The following FBXO10 variants were observed in gnomAD, a reference collection of about 807,000 sequenced individuals.
FBXO10 encodes the protein F-box protein 10, also known as F-box only protein 10.
FBXO10 carries 39 observed loss-of-function variants against 80.7 expected under a neutral mutation model. That is an observed-to-expected ratio of 0.48 (90% CI 0.37 to 0.63). The LOEUF is 0.63. Ranked by LOEUF, FBXO10 falls within the 30% of genes least tolerant of loss-of-function variation. The pLI, the probability that FBXO10 is intolerant of heterozygous loss-of-function variation, is 0.00. For missense variants in FBXO10, 1,025 were observed against 1,269.0 expected (o/e 0.81, Z 2.92); for synonymous variants, 449 against 489.6 (o/e 0.92, Z 1.09).
chr9:37,520,600 G>C (rs1270159341), intron 8 of FBXO10, among the ~76,000 whole-genome samples: 1 of 138,782 alleles, frequency 7.2e-6, no homozygotes. Flanking sequence ...CTGGCCTCAA[G>C]CAATCCCCCA....
chr9:37,571,969 T>C (rs1452785710), intron 1 of FBXO10, among the ~76,000 whole-genome samples: 1 of 150,368 alleles, frequency 6.7e-6, no homozygotes, highest in African/African-American at 2.5e-5. Context: ...ACCTGGTCTC[T>C]ACAAAAAAAA....
Position 37,512,610 on chromosome 9 carries a change from C to T in FBXO10, c.2808G>A (p.Arg936=). ...NGQKVTAMAT[R]ITARVEGGYH... is the part of the protein sequence containing the mutation. ...AACCACCTTCCACCCGGGCTGTGAT[C>T]CTCGTTGCCATGGCTGTCACCTTCT... The change falls in exon 11 of 11, where the codon AGG becomes AGA. Residue 936 remains arginine, a synonymous_variant. Transcript: ENST00000432825. The T allele has an allele frequency of 1.9e-6, 3 of 1,614,032 alleles. No individual in the cohort carries two copies. In the East Asian group the frequency reaches 6.7e-5, roughly 36 times the overall value.
chr9:37,526,494 A>G (rs1821476041), intron 5 of FBXO10, among the ~76,000 whole-genome samples: 2 of 152,236 alleles, frequency 1.3e-5, no homozygotes, highest in African/African-American at 4.8e-5. Flanking sequence ...GTTCCCCAGC[A>G]TCCCCAAGGT....
At chr9:37,561,173 C>CTTT (rs78284002) in intron 1 of FBXO10, among the ~76,000 whole-genome samples, 22 of 129,810 alleles carry the variant, frequency 1.7e-4, no homozygotes, top group African/African-American at 4.8e-4. Context: ...ACAAAATCAA[C>CTTT]TTTTTTTTTT....
At position 37,529,223 on chromosome 9, in the gene FBXO10, A is replaced by T; in HGVS notation, c.1607T>A (p.Val536Asp). 6.2e-7 allele frequency: 1 copy of T among 1,612,762 alleles called. No homozygotes were observed. Among genetic ancestry groups the T allele is most frequent in the Non-Finnish European group, 8.5e-7 (1 of 1,179,390 alleles). ...GATGCCTTTCCCATTGCCAAGGACG[A>T]CAATGCCAGAGCGAAGGCCATGGTG... is the stretch of plus-strand genomic sequence containing the variant. ...QIHHGLRSGI[V>D]VLGNGKGIIR... is the part of the protein sequence containing the mutation. Residue 536 changes from valine (V) to aspartate (D), a missense_variant, in exon 5 of 11, where the codon GTC becomes GAC. This residue lies in a region of FBXO10 where 478 missense variants were observed against 667.8 expected (regional missense o/e 0.72). Coordinates refer to ENST00000432825, the MANE Select transcript of FBXO10 (RefSeq NM_012166.3).
intron 8 of FBXO10, among the ~76,000 whole-genome samples, chr9:37,520,528 T>C (rs1362875913): frequency 1.1e-4 from 16 of 142,502 alleles, no homozygotes; most frequent in African/African-American, 3.4e-4. Context: ...TCTTCTTTTT[T>C]TTTTTTTTTT....
intron 1 of FBXO10, among the ~76,000 whole-genome samples, 165 bp from the exon 2 acceptor site, chr9:37,541,939 C>G (rs1175230616): frequency 2.0e-5 from 3 of 152,172 alleles, no homozygotes; most frequent in Non-Finnish European, 4.4e-5. Flanking sequence ...AAGCAATTCT[C>G]CTGCCTCAGC....
intron 5 of FBXO10, among the ~76,000 whole-genome samples, chr9:37,526,968 A>G (rs1401928963): frequency 1.3e-5 from 2 of 151,910 alleles, no homozygotes; most frequent in African/African-American, 4.8e-5. Flanking sequence ...CTCCTGCCTC[A>G]GCCTCCCAAG....
chr9:37,522,429 G>A lies in FBXO10; in HGVS notation c.1930+396C>T, dbSNP rs140992812. 1.2e-4 allele frequency: 129 copies of A among 1,033,680 alleles called. No individual in the cohort carries two copies. In the East Asian group the frequency reaches 2.4e-3, roughly 19 times the overall value. The allele number at this position is 1,033,680 out of a possible 1,614,324, so 64.0% of individuals were successfully genotyped here. On this transcript the variant is annotated intron_variant, in intron 7 of 10. Coordinates refer to ENST00000432825, the MANE Select transcript of FBXO10 (RefSeq NM_012166.3). Reference sequence around the variant, plus strand: ...TGAAGGCTCTGCCCAAAGTCACTGCGTGAGTGAGAAGAGTTTTCTTCCTGT... The same window carrying A: ...TGAAGGCTCTGCCCAAAGTCACTGCATGAGTGAGAAGAGTTTTCTTCCTGT...
At chr9:37,519,639 G>A (rs1821276555) in intron 8 of FBXO10, among the ~76,000 whole-genome samples, 1 of 152,170 alleles carries the variant, frequency 6.6e-6, no homozygotes, top group Non-Finnish European at 1.5e-5. Flanking sequence ...AAGTATTTGT[G>A]AACGTAGGTG....
rs1481292729 is a variant in FBXO10, at chr9:37,525,027, G to T, written c.1777+75C>A. The stretch of plus-strand genomic sequence containing the variant: ...GTCTGTGGGGGTAAAGGAGCAGTGT[G>T]AGGTCCTGAAGCTGGGGGGTGACGC... On this transcript the variant is annotated intron_variant, in intron 6 of 10. Transcript: ENST00000432825. The T allele has an allele frequency of 5.5e-6, 7 of 1,277,820 alleles. No homozygotes were observed. In the African/African-American group the frequency reaches 1.0e-4, roughly 19 times the overall value. The allele number at this position is 1,277,820 out of a possible 1,614,324, so 79.2% of individuals were successfully genotyped here.
intron 1 of FBXO10, among the ~76,000 whole-genome samples, chr9:37,572,484 G>A (rs1231805324): frequency 2.0e-5 from 3 of 152,168 alleles, no homozygotes; most frequent in Non-Finnish European, 4.4e-5. Context: ...ATGAAACACT[G>A]TTGGCAACGA....
intron 6 of FBXO10, among the ~76,000 whole-genome samples, chr9:37,524,572 C>T (rs1821422772): frequency 6.6e-6 from 1 of 152,174 alleles, no homozygotes; most frequent in Non-Finnish European, 1.5e-5. Flanking sequence ...TTGACCCTCA[C>T]CTTGTGGAAT....
intron 1 of FBXO10, among the ~76,000 whole-genome samples, chr9:37,550,164 C>A (rs1177377648): frequency 1.1e-5 from 1 of 87,924 alleles, no homozygotes; most frequent in Non-Finnish European, 2.3e-5. Flanking sequence ...TTTTTGTCGT[C>A]TCAGGTTTTT....
chr9:37,541,043 G>T, intron 2 of FBXO10, 141 bp downstream of exon 2: 1 of 672,782 alleles, frequency 1.5e-6, no homozygotes, highest in Non-Finnish European at 2.5e-6. Context: ...TTTCTCAACT[G>T]GTTCAGCACT....
At chr9:37,533,814 G>C (rs957175796) in intron 3 of FBXO10, among the ~76,000 whole-genome samples, 1 of 151,472 alleles carries the variant, frequency 6.6e-6, no homozygotes, top group Non-Finnish European at 1.5e-5. Context: ...AGAGGTTGCA[G>C]TGAGCTGAGA....
chr9:37,571,035 T>C (rs1333593281), intron 1 of FBXO10, among the ~76,000 whole-genome samples: 1 of 149,538 alleles, frequency 6.7e-6, no homozygotes, highest in Non-Finnish European at 1.5e-5. Context: ...TATAAGTAAA[T>C]ATGAAGGGAT....
chr9:37,543,355 G>A (rs777068293), intron 1 of FBXO10, among the ~76,000 whole-genome samples: 21 of 152,138 alleles, frequency 1.4e-4, no homozygotes, highest in Non-Finnish European at 1.2e-4. Flanking sequence ...AGGGGCCATC[G>A]AGCCCTTTTC....
intron 1 of FBXO10, among the ~76,000 whole-genome samples, chr9:37,546,015 G>A (rs1822047538): frequency 6.6e-6 from 1 of 152,010 alleles, no homozygotes; most frequent in Non-Finnish European, 1.5e-5. Flanking sequence ...GCATGGTGGT[G>A]CACACTTGTA....
Sources: gnomAD v4.1 joint callset for allele counts (sites outside exome capture counted in the v4.1 genomes callset) on GRCh38, gnomAD v4.1.1 for gene constraint, gnomAD v4.1.1 regional missense constraint, MANE v1.5 for transcripts, NCBI Gene and HGNC (gene_info 2026-07-23, HGNC 2026-07-21) for gene names.